The following ASAP2 variants were observed in gnomAD, a reference collection of about 807,000 sequenced individuals.
The protein encoded by ASAP2 is arf-GAP with SH3 domain, ANK repeat and PH domain-containing protein 2.
ASAP2 carries 45 observed loss-of-function variants against 131.4 expected under a neutral mutation model. That is an observed-to-expected ratio of 0.34 (90% CI 0.27 to 0.44). The LOEUF is 0.44. Among genes scored for constraint, ASAP2 ranks in the 20% least tolerant of loss-of-function variants. The pLI, the probability that ASAP2 is intolerant of heterozygous loss-of-function variation, is 1.00. For synonymous variants in ASAP2, 510 were observed against 503.0 expected (o/e 1.01, Z -0.19); for missense variants, 1,011 against 1,297.0 (o/e 0.78, Z 3.39).
Position 9,232,360 on chromosome 2 carries a change from C to G in ASAP2, c.126+25130C>G, listed in dbSNP as rs975939654. On this transcript the variant is annotated intron_variant, in intron 1 of 27. Transcript: ENST00000281419. This position sits in a 1 kb window ranked among gnomAD's most constrained non-coding sequence, Gnocchi z 4.1. Reference sequence around the variant, plus strand: ...GTGAAGTTCAGCCCAGTGCCCCTTCCTTGGAGGCCACATTAGAGGGCCCTC... The same window carrying G: ...GTGAAGTTCAGCCCAGTGCCCCTTCGTTGGAGGCCACATTAGAGGGCCCTC... Among the ~76,000 whole-genome samples, 1 of 152,232 alleles carries G rather than the reference C, an allele frequency of 6.6e-6. No individual in the cohort carries two copies. Among genetic ancestry groups the G allele is most frequent in the Admixed American group, 6.5e-5 (1 of 15,284 alleles).
At chr2:9,317,455 T>C (rs895498999) in intron 3 of ASAP2, among the ~76,000 whole-genome samples, 8 of 70,304 alleles carry the variant, frequency 1.1e-4, no homozygotes, top group Admixed American at 2.6e-4. Flanking sequence ...CACACACACA[T>C]GTGCATTCAC....
rs191757931 is a variant in ASAP2 at position 9,244,364 on chromosome 2, C to T, written c.127-34953C>T. Among the ~76,000 whole-genome samples, 16 of 152,278 alleles carry T rather than the reference C, an allele frequency of 1.1e-4. No individual in the cohort carries two copies. In the East Asian group the frequency reaches 3.1e-3, roughly 29 times the overall value. On this transcript the variant is annotated intron_variant, in intron 1 of 27. Transcript: ENST00000281419. ...CACCATACAGTACCTTAGCAAGGTA[C>T]ACTGAGATTAGGAATAAGTTAAAAT...
Position 9,311,343 on chromosome 2 carries a change from G to C in ASAP2, c.346-7181G>C, listed in dbSNP as rs1187747489. 6.7e-6 allele frequency among the ~76,000 whole-genome samples: 1 copy of C among 150,362 alleles called. No individual in the cohort carries two copies. The highest frequency in any genetic ancestry group is 1.9e-4 in the East Asian group (1 of 5,152). The stretch of plus-strand genomic sequence containing the variant: ...AGCCCCACTGTGCTCCATCCTGGGT[G>C]AGAGGCACTCTCTCAAAAAAAAAAA... On this transcript the variant is annotated intron_variant, in intron 3 of 27. Transcript: ENST00000281419. This position sits in a 1 kb window ranked among gnomAD's most constrained non-coding sequence, Gnocchi z 5.2.
At chr2:9,273,839 C>G (rs1383484579) in intron 1 of ASAP2, among the ~76,000 whole-genome samples, 2 of 152,190 alleles carry the variant, frequency 1.3e-5, no homozygotes, top group Non-Finnish European at 2.9e-5. Flanking sequence ...TATGCAGCCT[C>G]CAGCTGCATG....
chr2:9,256,517 G>T (rs1025197545), intron 1 of ASAP2, among the ~76,000 whole-genome samples: 2 of 152,194 alleles, frequency 1.3e-5, no homozygotes, highest in African/African-American at 4.8e-5. Flanking sequence ...ATTAGATGTT[G>T]TTAGTGGTAG....
intron 3 of ASAP2, among the ~76,000 whole-genome samples, chr2:9,312,250 T>C (rs1373195508): frequency 2.0e-5 from 3 of 152,242 alleles, no homozygotes; most frequent in Admixed American, 2.0e-4. Flanking sequence ...ATTTATTTTC[T>C]GATTAGAAAA....
At chr2:9,300,126 G>A (rs931524986) in intron 3 of ASAP2, among the ~76,000 whole-genome samples, 13 of 152,308 alleles carry the variant, frequency 8.5e-5, no homozygotes, top group East Asian at 7.7e-4. Context: ...CCTGCTACTC[G>A]GGAGGCTGAG....
chr2:9,216,345 G>A (rs1419548030), intron 1 of ASAP2, among the ~76,000 whole-genome samples: 1 of 149,748 alleles, frequency 6.7e-6, no homozygotes, highest in African/African-American at 2.5e-5. Context: ...TGAGTGCAGT[G>A]GTGTGATCTT....
intron 1 of ASAP2, among the ~76,000 whole-genome samples, chr2:9,258,974 G>A (rs1338682124): frequency 3.3e-5 from 5 of 152,026 alleles, no homozygotes; most frequent in Non-Finnish European, 7.4e-5. Flanking sequence ...AGCCAGTTTC[G>A]CGGGGCCAGA....
chr2:9,356,353 AG>A lies in ASAP2; in HGVS notation c.1327+11del. 1.3e-6 allele frequency: 2 copies of A among 1,578,802 alleles called. No homozygotes were observed. The highest frequency in any genetic ancestry group is 1.7e-6 in the Non-Finnish European group (2 of 1,163,098). ...GTGACTGTGGGGCGCCAGGTGACCCAGGGACCCCACCCGACCCTGGGCTCTA... is the reference window on the plus strand; with the variant it reads ...GTGACTGTGGGGCGCCAGGTGACCCAGGACCCCACCCGACCCTGGGCTCTA... On this transcript the variant is annotated intron_variant, in intron 14 of 27. Coordinates refer to ENST00000281419, the MANE Select transcript of ASAP2 (RefSeq NM_003887.3).
chr2:9,363,057 T>A (rs974077691), intron 15 of ASAP2, among the ~76,000 whole-genome samples: 1 of 152,226 alleles, frequency 6.6e-6, no homozygotes, highest in Non-Finnish European at 1.5e-5. Context: ...GGATTTGTCT[T>A]TCTTTGCCTG....
In ASAP2 at chr2:9,298,703, G is replaced by A. The variant is rs180975004; in HGVS notation, c.345+1258G>A. Among the ~76,000 whole-genome samples, 1,063 of 152,100 alleles carry A rather than the reference G, an allele frequency of 7.0e-3. 13 individuals carry two copies. The highest frequency in any genetic ancestry group is 0.025 in the African/African-American group (1,024 of 41,464). On this transcript the variant is annotated intron_variant, in intron 3 of 27. Transcript: ENST00000281419. ...AACTGGAGAAACTGCATGGGCCCAG[G>A]GTAAAGATCCGTAGATGCTGCCATG...
At chr2:9,319,190 G>A (rs764057290) in intron 4 of ASAP2, among the ~76,000 whole-genome samples, 1 of 152,230 alleles carries the variant, frequency 6.6e-6, no homozygotes, top group African/African-American at 2.4e-5. Context: ...GGCTAGAGGC[G>A]CGTTTGCCAG....
rs1306068729 is a variant in ASAP2, at chr2:9,333,360, G to A, written c.687-1378G>A. Among the ~76,000 whole-genome samples, 3 of 152,146 alleles carry A rather than the reference G, an allele frequency of 2.0e-5. No homozygotes were observed. In the East Asian group the frequency reaches 5.8e-4, roughly 29 times the overall value. ...TTCTGTTTTAAACAATCACACTAAT[G>A]AATACATAATTGCAGTTACAGCAAG... On this transcript the variant is annotated intron_variant, in intron 7 of 27. Coordinates refer to ENST00000281419, the MANE Select transcript of ASAP2 (RefSeq NM_003887.3).
In ASAP2 at chr2:9,391,201, G is replaced by A. The variant is rs902387105; in HGVS notation, c.2518+5G>A. On this transcript the variant is annotated splice_donor_5th_base_variant and intron_variant, in intron 23 of 27. Transcript: ENST00000281419. ...CTCTTCGCGTGACATCTACCAGTAC[G>A]TTTTTTTCCTTTTTCCTTTCTTGCC... The A allele has an allele frequency of 6.2e-6, 10 of 1,609,046 alleles. No homozygotes were observed. The highest frequency in any genetic ancestry group is 1.7e-5 in the Admixed American group (1 of 59,288).
chr2:9,281,003 A>G lies in ASAP2; in HGVS notation c.199+1614A>G, dbSNP rs1667096589. On this transcript the variant is annotated intron_variant, in intron 2 of 27. Transcript: ENST00000281419. This position sits in a 1 kb window ranked among gnomAD's most constrained non-coding sequence, Gnocchi z 4.0. ...CAGGGTTGTGTGCAGTGAGTGGCCCACTCTGTTTCAAAGCCACCATGCCTT... is the reference window on the plus strand; with the variant it reads ...CAGGGTTGTGTGCAGTGAGTGGCCCGCTCTGTTTCAAAGCCACCATGCCTT... Among the ~76,000 whole-genome samples, 1 of 152,090 alleles carries G rather than the reference A, an allele frequency of 6.6e-6. No homozygotes were observed. Among genetic ancestry groups the G allele is most frequent in the South Asian group, 2.1e-4 (1 of 4,814 alleles).
At position 9,207,246 on chromosome 2, in the gene ASAP2, C is replaced by G. The variant is rs1168314099; in HGVS notation, c.126+16C>G. 24 of 1,543,122 alleles carry G rather than the reference C, an allele frequency of 1.6e-5. No homozygotes were observed. The Admixed American group carries it at 4.7e-4, about 30-fold the overall frequency. ...CATCGAGGAGGTGAGGCGGCCTGCG[C>G]GGCGGCTCCGGCCGCAGGTATCCCG... On this transcript the variant is annotated intron_variant, in intron 1 of 27. Transcript: ENST00000281419. This position sits in a 1 kb window ranked among gnomAD's most constrained non-coding sequence, Gnocchi z 4.1.
chr2:9,222,308 G>A (rs1662478955), intron 1 of ASAP2, among the ~76,000 whole-genome samples: 1 of 152,208 alleles, frequency 6.6e-6, no homozygotes, highest in African/African-American at 2.4e-5. Flanking sequence ...GTCTTTAGTT[G>A]CAAAGGAAGT....
At chr2:9,403,187 A>G in intron 27 of ASAP2, 66 bp from the exon 28 acceptor site, 2 of 1,418,998 alleles carry the variant, frequency 1.4e-6, no homozygotes, top group Non-Finnish European at 2.0e-6. Context: ...GCTCTATGTA[A>G]TGCTCTTCAA....
Sources: allele counts gnomAD v4.1 joint callset (sites outside exome capture counted in the v4.1 genomes callset), GRCh38; gene constraint gnomAD v4.1.1; non-coding constraint Gnocchi (gnomAD v3.1); transcripts MANE v1.5; gene names NCBI Gene and HGNC (gene_info 2026-07-23, HGNC 2026-07-21).